Variants in EP300 observed in about 807,000 individuals in gnomAD.
EP300 encodes the protein EP300 lysine acetyltransferase.
Under a neutral mutation model 264.0 loss-of-function variants are expected in EP300, and 31 were observed. The observed-to-expected ratio is 0.12, with a 90% CI of 0.09 to 0.16. The LOEUF is 0.16. Among genes scored for constraint, EP300 ranks in the 10% least tolerant of loss-of-function variants. The pLI, the probability that EP300 is intolerant of heterozygous loss-of-function variation, is 1.00. For missense variants in EP300, 2,766 were observed against 3,052.9 expected (o/e 0.91, Z 2.21); for synonymous variants, 1,340 against 1,045.4 (o/e 1.28, Z -5.44).
chr22:41,149,005 A>G (rs1203214816), intron 12 of EP300, 33 bp from the exon 13 acceptor site: 1 of 1,609,714 alleles, frequency 6.2e-7, no homozygotes, highest in Admixed American at 1.7e-5. Context: ...ATAATGAAGC[A>G]GTTTGGTGAT....
intron 2 of EP300, among the ~76,000 whole-genome samples, chr22:41,124,151 A>G (rs2058867854): frequency 6.6e-6 from 1 of 152,252 alleles, no homozygotes; most frequent in Non-Finnish European, 1.5e-5. Context: ...AGGCTGAGGC[A>G]GGATAACCGC....
intron 5 of EP300, among the ~76,000 whole-genome samples, chr22:41,130,694 G>A (rs1167611882): frequency 6.6e-6 from 1 of 152,010 alleles, no homozygotes; most frequent in Non-Finnish European, 1.5e-5. Flanking sequence ...CTTTGGCATT[G>A]GGCAAGTTAT....
intron 1 of EP300, among the ~76,000 whole-genome samples, chr22:41,113,738 G>A (rs1049282027): frequency 6.6e-6 from 1 of 152,128 alleles, no homozygotes; most frequent in Non-Finnish European, 1.5e-5. Context: ...AGTAGAGATG[G>A]GGTTTCACCG....
Position 41,141,231 on chromosome 22 carries a change from TTTTTGTTATA to T in EP300, c.2053+13_2053+22del. 1 of 1,612,630 alleles carries T rather than the reference TTTTTGTTATA, an allele frequency of 6.2e-7. No individual in the cohort carries two copies. Among genetic ancestry groups the T allele is most frequent in the Non-Finnish European group, 8.5e-7 (1 of 1,178,702 alleles). On this transcript the variant is annotated intron_variant, in intron 10 of 30. Coordinates refer to ENST00000263253, the MANE Select transcript of EP300 (RefSeq NM_001429.4). The stretch of plus-strand genomic sequence containing the variant: ...ACCAGGAATGACTTCTAGTAAGTGG[TTTTTGTTATA>T]TTTCTGTTTGAGAGAAATTGATAAT...
intron 17 of EP300, among the ~76,000 whole-genome samples, chr22:41,156,361 G>A (rs574135475): frequency 6.6e-6 from 1 of 152,270 alleles, no homozygotes; most frequent in East Asian, 1.9e-4. Context: ...AAAGGACCGT[G>A]GTTAGCTTTG....
chr22:41,103,052 G>A (rs2058740430), intron 1 of EP300, among the ~76,000 whole-genome samples: 1 of 152,102 alleles, frequency 6.6e-6, no homozygotes, highest in Non-Finnish European at 1.5e-5. Context: ...GTTTCACCAT[G>A]TTGATCAGGC....
intron 1 of EP300, among the ~76,000 whole-genome samples, chr22:41,096,612 CTTT>C (rs749353769): frequency 9.6e-5 from 10 of 104,452 alleles, no homozygotes; most frequent in African/African-American, 3.9e-4. Flanking sequence ...GTCAGCTCTA[CTTT>C]TTTTTTTTTT....
rs762100958 is a variant in EP300 at position 41,168,829 on chromosome 22, T to C, written c.4134T>C (p.Val1378=). 1 of 1,614,194 alleles carries C rather than the reference T, an allele frequency of 6.2e-7. No individual in the cohort carries two copies. The highest frequency in any genetic ancestry group is 1.1e-5 in the South Asian group (1 of 91,080). The change falls in exon 25 of 31, where the codon GTT becomes GTC. Residue 1378 remains valine, a synonymous_variant. Coordinates refer to ENST00000263253, the MANE Select transcript of EP300 (RefSeq NM_001429.4). ...GVDLCFFGMH[V]QEYGSDCPPP... ...ACCTGTGCTTCTTTGGCATGCATGT[T>C]CAAGAGTATGGCTCTGACTGCCCTC...
rs202070031 is a variant in EP300 at position 41,149,915 on chromosome 22, C to T, written c.2534C>T (p.Thr845Ile). The T allele has an allele frequency of 8.7e-6, 14 of 1,613,638 alleles. No individual in the cohort carries two copies. The South Asian group carries it at 1.4e-4, about 16-fold the overall frequency. The change falls in exon 14 of 31, where the codon ACT (threonine) becomes ATT (isoleucine). Residue 845 changes from threonine (T) to isoleucine (I), a missense_variant. Transcript: ENST00000263253. Reference protein sequence around the residue: ...VPSRTPTPHHTPPSIGAQQPP... With the variant: ...VPSRTPTPHHIPPSIGAQQPP... ...AGTCGTACCCCCACCCCTCACCATA[C>T]TCCCCCAAGCATAGGGGCTCAGCAG...
At chr22:41,165,710 C>A (rs1043342726) in intron 22 of EP300, among the ~76,000 whole-genome samples, 8 of 151,606 alleles carry the variant, frequency 5.3e-5, no homozygotes, top group Non-Finnish European at 1.0e-4. Context: ...GCATGAGCCA[C>A]TGCACCTGGC....
Position 41,149,782 on chromosome 22 carries a change from T to C in EP300, c.2401T>C (p.Cys801Arg). 1 of 1,614,202 alleles carries C rather than the reference T, an allele frequency of 6.2e-7. No homozygotes were observed. Among genetic ancestry groups the C allele is most frequent in the African/African-American group, 1.3e-5 (1 of 75,052 alleles). The change falls in exon 14 of 31, where the codon TGC (cysteine) becomes CGC (arginine). Residue 801 changes from cysteine to arginine, a missense_variant. Transcript: ENST00000263253. ...ACAGGCACAAATGTCTAGTTCTTCC[T>C]GCCCGGTGAACTCTCCTATAATGCC... Reference protein sequence around the residue: ...VSQAQMSSSSCPVNSPIMPPG... With the variant: ...VSQAQMSSSSRPVNSPIMPPG...
chr22:41,098,957 G>A (rs1016307176), intron 1 of EP300, among the ~76,000 whole-genome samples: 9 of 152,134 alleles, frequency 5.9e-5, no homozygotes, highest in African/African-American at 2.2e-4. Context: ...TTTATCAGAT[G>A]CTTAGGACTA....
chr22:41,100,657 A>G (rs1009751613), intron 1 of EP300, among the ~76,000 whole-genome samples: 1 of 152,216 alleles, frequency 6.6e-6, no homozygotes, highest in African/African-American at 2.4e-5. Context: ...TGTTGCATTT[A>G]CACTGCATTA....
At chr22:41,121,013 G>A (rs1433851730) in intron 2 of EP300, among the ~76,000 whole-genome samples, 1 of 152,098 alleles carries the variant, frequency 6.6e-6, no homozygotes, top group Non-Finnish European at 1.5e-5. Flanking sequence ...TTTTCAAGAA[G>A]AAAAAATAGG....
chr22:41,108,978 A>G (rs148415714), intron 1 of EP300, among the ~76,000 whole-genome samples: 2 of 152,330 alleles, frequency 1.3e-5, no homozygotes, highest in Non-Finnish European at 2.9e-5. Flanking sequence ...TGTCTAGAAA[A>G]AATACTTGCT....
chr22:41,124,796 A>T (rs1190235103), intron 2 of EP300, among the ~76,000 whole-genome samples: 1 of 152,228 alleles, frequency 6.6e-6, no homozygotes, highest in African/African-American at 2.4e-5. Flanking sequence ...GAAGATGATT[A>T]AAAGTATTTC....
At chr22:41,165,304 T>C (rs1392478978) in intron 22 of EP300, among the ~76,000 whole-genome samples, 1 of 152,228 alleles carries the variant, frequency 6.6e-6, no homozygotes, top group Non-Finnish European at 1.5e-5. Context: ...TTATGTTCAT[T>C]ATAAAATTTG....
chr22:41,127,487 G>T lies in EP300; in HGVS notation c.907G>T (p.Gly303Cys). Residue 303 changes from glycine to cysteine, a missense_variant and splice_region_variant, in exon 4 of 31, where the codon GGT (glycine) becomes TGT (cysteine). Transcript: ENST00000263253. The part of the protein sequence containing the change: ...AVPGGGMPNM[G>C]QQPAPQVQQP... Reference sequence around the variant, plus strand: ...TTAAATATATTGTTATATCTCTCAGGGTCAACAGCCAGCCCCGCAGGTCCA... The same window carrying T: ...TTAAATATATTGTTATATCTCTCAGTGTCAACAGCCAGCCCCGCAGGTCCA... 2 of 1,613,948 alleles carry T rather than the reference G, an allele frequency of 1.2e-6. No homozygotes were observed. Among genetic ancestry groups the T allele is most frequent in the South Asian group, 1.1e-5 (1 of 91,062 alleles).
chr22:41,165,211 T>A (rs2059127666), intron 22 of EP300, among the ~76,000 whole-genome samples: 1 of 152,230 alleles, frequency 6.6e-6, no homozygotes, highest in Non-Finnish European at 1.5e-5. Flanking sequence ...AGACTTCTTG[T>A]GGTTCTTCTA....
Sources: allele counts gnomAD v4.1 joint callset (sites outside exome capture counted in the v4.1 genomes callset), GRCh38; gene constraint gnomAD v4.1.1; transcripts MANE v1.5; gene names NCBI Gene and HGNC (gene_info 2026-07-23, HGNC 2026-07-21).